The following DLG1 variants were observed in gnomAD, a reference collection of about 807,000 sequenced individuals.
DLG1 encodes discs large MAGUK scaffold protein 1, also known as disks large homolog 1.
DLG1 carries 42 observed loss-of-function variants against 123.4 expected under a neutral mutation model. The ratio of observed to expected loss-of-function variants is 0.34; its 90% CI spans 0.27 to 0.44. The LOEUF is 0.44. Among genes scored for constraint, DLG1 ranks in the 20% least tolerant of loss-of-function variants. The pLI is 1.00. For synonymous variants in DLG1, 317 were observed against 356.2 expected (o/e 0.89, Z 1.24); for missense variants, 942 against 1,082.6 (o/e 0.87, Z 1.82).
rs1007693658 is a variant in DLG1, at chr3:197,043,600, C to T, written c.*1023G>A. ...ATATATATATATGTTTGTGTGTGTG[C>T]GCAACTATGTAAAGAAAATAATTCC... On this transcript the variant is annotated 3_prime_UTR_variant, in exon 25 of 25. Transcript: ENST00000667157. The T allele has an allele frequency of 4.0e-5, 6 of 150,738 alleles. No homozygotes were observed. The highest frequency in any genetic ancestry group is 2.1e-4 in the South Asian group (1 of 4,786). 9.3% of individuals were successfully genotyped at this position (150,738 alleles called of 1,614,324 possible).
At chr3:197,197,491 G>C (rs1029858952) in intron 4 of DLG1, among the ~76,000 whole-genome samples, 1 of 152,176 alleles carries the variant, frequency 6.6e-6, no homozygotes, top group Non-Finnish European at 1.5e-5. Flanking sequence ...AGGTGAAACA[G>C]GAAAAATGCC....
chr3:197,158,461 T>TAAA (rs10573278), intron 5 of DLG1, among the ~76,000 whole-genome samples: 1 of 118,754 alleles, frequency 8.4e-6, no homozygotes, highest in Non-Finnish European at 1.7e-5. Context: ...CGTCTCTACT[T>TAAA]AAAAAAAAAA....
intron 4 of DLG1, among the ~76,000 whole-genome samples, chr3:197,207,446 T>C (rs1360934623): frequency 6.8e-6 from 1 of 147,392 alleles, no homozygotes. Flanking sequence ...AGTTTATCTA[T>C]ACTTTTATCT....
intron 13 of DLG1, among the ~76,000 whole-genome samples, chr3:197,106,332 G>A (rs3856760): frequency 0.42 from 63,227 of 151,980 alleles, 13,714 homozygotes; most frequent in East Asian, 0.74. Flanking sequence ...CTTGAACCTG[G>A]GAGGCGGAAG....
intron 8 of DLG1, among the ~76,000 whole-genome samples, chr3:197,139,909 T>C (rs1489732949): frequency 6.6e-6 from 1 of 152,238 alleles, no homozygotes; most frequent in Non-Finnish European, 1.5e-5. Context: ...CAACCAAATT[T>C]GTTATTCAAA....
intron 23 of DLG1, among the ~76,000 whole-genome samples, chr3:197,053,774 T>TAA (rs35792548): frequency 0.2 from 19,255 of 97,084 alleles, 2,093 homozygotes; most frequent in African/African-American, 0.31. Context: ...CCCTGTCTCA[T>TAA]AAAAAAAAAA....
chr3:197,075,793 A>G, intron 18 of DLG1: 1 of 1,578,958 alleles, frequency 6.3e-7, no homozygotes, highest in Non-Finnish European at 8.7e-7. Flanking sequence ...GTAGGTCTGC[A>G]GATGGAGGTT....
chr3:197,203,214 T>C (rs553637345), intron 4 of DLG1, among the ~76,000 whole-genome samples: 2 of 152,208 alleles, frequency 1.3e-5, no homozygotes, highest in East Asian at 3.9e-4. Flanking sequence ...CAGTGAGCCA[T>C]GATCACACCA....
intron 3 of DLG1, among the ~76,000 whole-genome samples, chr3:197,291,995 T>C (rs1488926283): frequency 6.6e-6 from 1 of 152,134 alleles, no homozygotes; most frequent in African/African-American, 2.4e-5. Flanking sequence ...GTGGAGAAAC[T>C]GGAAATCCTG....
chr3:197,131,580 CTTTCTTTTTTTTTTT>C (rs1342959583), intron 10 of DLG1, among the ~76,000 whole-genome samples: 1 of 120,704 alleles, frequency 8.3e-6, no homozygotes, highest in Non-Finnish European at 1.7e-5. Flanking sequence ...TTATTTCTTC[CTTTCTTTTTTTTTTT>C]TTTTTTTTTT....
At chr3:197,183,762 C>T (rs1279616253) in intron 5 of DLG1, 2 of 1,550,412 alleles carry the variant, frequency 1.3e-6, no homozygotes, top group Non-Finnish European at 8.7e-7. Context: ...GCCTCCTCGA[C>T]TGCCGCGAGA....
At chr3:197,045,107 A>AT (rs575412942) in intron 24 of DLG1, among the ~76,000 whole-genome samples, 1,465 of 144,514 alleles carry the variant, frequency 0.01, 12 homozygotes, top group South Asian at 0.024. Context: ...TGTAAGGATA[A>AT]TTTTTTTTTT....
intron 5 of DLG1, among the ~76,000 whole-genome samples, chr3:197,166,244 G>A (rs967720181): frequency 1.8e-4 from 28 of 152,130 alleles, no homozygotes; most frequent in Admixed American, 8.5e-4. Flanking sequence ...CGTCCAACTA[G>A]GGCAGCAATG....
intron 4 of DLG1, among the ~76,000 whole-genome samples, chr3:197,244,646 G>A (rs1027323197): frequency 2.6e-5 from 4 of 151,466 alleles, no homozygotes; most frequent in African/African-American, 4.9e-5. Context: ...GAACAATAGC[G>A]CATGACTTTG....
intron 4 of DLG1, among the ~76,000 whole-genome samples, chr3:197,274,515 C>T (rs73210583): frequency 1.9e-4 from 29 of 151,876 alleles, no homozygotes; most frequent in African/African-American, 4.4e-4. Flanking sequence ...CACGACACGA[C>T]ACGATACGAT....
intron 4 of DLG1, among the ~76,000 whole-genome samples, chr3:197,198,773 T>C (rs1321032616): frequency 6.6e-6 from 1 of 152,102 alleles, no homozygotes; most frequent in African/African-American, 2.4e-5. Flanking sequence ...AAAAGACTGA[T>C]AGGTGCGGTC....
At chr3:197,276,742 C>G (rs910083958) in intron 4 of DLG1, among the ~76,000 whole-genome samples, 1 of 151,968 alleles carries the variant, frequency 6.6e-6, no homozygotes, top group Admixed American at 6.6e-5. Context: ...TTCAGAAGTT[C>G]TACAATCAAA....
intron 10 of DLG1, 152 bp downstream of exon 10, chr3:197,136,390 A>C (rs996201288): frequency 8.6e-6 from 5 of 583,504 alleles, no homozygotes; most frequent in Non-Finnish European, 1.2e-5. Flanking sequence ...AGAATTACCA[A>C]GAATCATTTT....
intron 5 of DLG1, among the ~76,000 whole-genome samples, chr3:197,190,085 TG>T (rs1280936248): frequency 6.6e-6 from 1 of 152,164 alleles, no homozygotes; most frequent in Non-Finnish European, 1.5e-5. Flanking sequence ...ACCAAAAAAC[TG>T]ACTTCTCATC....
Sources: gnomAD v4.1 joint callset for allele counts (sites outside exome capture counted in the v4.1 genomes callset) on GRCh38, gnomAD v4.1.1 for gene constraint, MANE v1.5 for transcripts, NCBI Gene and HGNC (gene_info 2026-07-23, HGNC 2026-07-21) for gene names.